Variants in IPCEF1 observed in about 807,000 individuals in gnomAD.
The protein encoded by IPCEF1 is interaction protein for cytohesin exchange factors 1, also known as interactor protein for cytohesin exchange factors 1.
IPCEF1 carries 31 observed loss-of-function variants against 50.9 expected under a neutral mutation model. The ratio of observed to expected loss-of-function variants is 0.61; its 90% CI spans 0.46 to 0.82. The LOEUF (loss-of-function observed/expected upper bound fraction) is 0.82, where lower values mean the gene tolerates loss of function less well. Ranked by LOEUF, IPCEF1 falls within the 40% of genes least tolerant of loss-of-function variation. The pLI, the probability that IPCEF1 is intolerant of heterozygous loss-of-function variation, is 0.00. For synonymous variants in IPCEF1, 181 were observed against 192.0 expected, an observed-to-expected ratio of 0.94 and a Z score of 0.47; for missense variants, 458 against 514.0, an observed-to-expected ratio of 0.89 and a Z score of 1.05.
rs1798847067 is a variant in IPCEF1 at position 154,159,515 on chromosome 6, G to T, written c.*313C>A. On this transcript the variant is annotated 3_prime_UTR_variant, in exon 12 of 12. Coordinates refer to ENST00000367220, the MANE Select transcript of IPCEF1 (RefSeq NM_001130700.2). ...TGATTCTTGTCCATAGCATTCTCTG[G>T]AGAGCAATGAACAGAAGAGACATTT... The T allele has an allele frequency of 6.0e-6, 2 of 332,440 alleles. No homozygotes were observed. Among genetic ancestry groups the T allele is most frequent in the South Asian group, 8.1e-5 (2 of 24,602 alleles). 20.6% of individuals were successfully genotyped at this position (332,440 alleles called of 1,614,324 possible). A position where few individuals can be genotyped will look rare whatever the true frequency, so the allele number is the denominator to read the frequency against.
At chr6:154,244,576 C>G (rs1183736332) in intron 5 of IPCEF1, among the ~76,000 whole-genome samples, 4 of 152,128 alleles carry the variant, frequency 2.6e-5, no homozygotes, top group Non-Finnish European at 4.4e-5. Flanking sequence ...CTATCCCTTT[C>G]CTCTTTCTAG....
chr6:154,344,088 C>T (rs1783976664), intron 1 of IPCEF1, among the ~76,000 whole-genome samples: 1 of 152,174 alleles, frequency 6.6e-6, no homozygotes. Flanking sequence ...CTCCTCTAGC[C>T]TCCTCATAAA....
intron 1 of IPCEF1, among the ~76,000 whole-genome samples, chr6:154,300,209 A>G (rs1314065484): frequency 7.0e-6 from 1 of 141,950 alleles, no homozygotes; most frequent in Admixed American, 7.3e-5. Context: ...TAGGTTAAAC[A>G]TAGAGTATTA....
rs984999900 is a variant in IPCEF1, at chr6:154,248,701, G to C, written c.37-1213C>G. ...TTCCTGGCTATTATAATTAGTAGCT[G>C]TGGTGCCCAAGAAAATAGCACTCTC... On this transcript the variant is annotated intron_variant, in intron 3 of 11. Coordinates refer to ENST00000367220, the MANE Select transcript of IPCEF1 (RefSeq NM_001130700.2). 9.9e-5 allele frequency among the ~76,000 whole-genome samples: 15 copies of C among 152,196 alleles called. No homozygotes were observed. In the East Asian group the frequency reaches 2.9e-3, roughly 29 times the overall value.
At chr6:154,212,939 G>A (rs1360523994) in intron 8 of IPCEF1, 84 bp from the exon 9 acceptor site, 1 of 919,160 alleles carries the variant, frequency 1.1e-6, no homozygotes, top group South Asian at 1.4e-5. Flanking sequence ...ATCTCCATCT[G>A]GCTATTGCAA....
At position 154,158,379 on chromosome 6, in the gene IPCEF1, A is replaced by T. The variant is rs553231511; in HGVS notation, c.*1449T>A. ...TTGTTTCTCTATAGCTCTCTTTAAC[A>T]CAATGATTTCTAAATTTCTATTAGT... On this transcript the variant is annotated 3_prime_UTR_variant, in exon 12 of 12. Transcript: ENST00000367220. The T allele has an allele frequency of 6.6e-6, 1 of 152,354 alleles. No homozygotes were observed. The highest frequency in any genetic ancestry group is 2.1e-4 in the South Asian group (1 of 4,830). 9.4% of individuals were successfully genotyped at this position (152,354 alleles called of 1,614,324 possible). A position where few individuals can be genotyped will look rare whatever the true frequency, so the allele number is the denominator to read the frequency against.
At chr6:154,206,775 T>C (rs1440649509) in intron 9 of IPCEF1, among the ~76,000 whole-genome samples, 1 of 152,150 alleles carries the variant, frequency 6.6e-6, no homozygotes, top group Non-Finnish European at 1.5e-5. Context: ...CAGGGGCAAG[T>C]GGTCCTGCAA....
At chr6:154,162,925 C>T (rs1799140109) in intron 11 of IPCEF1, among the ~76,000 whole-genome samples, 1 of 152,156 alleles carries the variant, frequency 6.6e-6, no homozygotes, top group Non-Finnish European at 1.5e-5. Flanking sequence ...CACCAACTTC[C>T]AATGCACACC....
chr6:154,300,299 G>A (rs1782758436), intron 1 of IPCEF1, among the ~76,000 whole-genome samples: 1 of 97,668 alleles, frequency 1.0e-5, no homozygotes, highest in South Asian at 2.8e-4. Context: ...GAGAGACATG[G>A]CTTCCTTTTT....
chr6:154,315,056 T>G (rs1214218693), intron 1 of IPCEF1, among the ~76,000 whole-genome samples: 1 of 152,196 alleles, frequency 6.6e-6, no homozygotes, highest in Non-Finnish European at 1.5e-5. Context: ...AACTTTTTTG[T>G]ATTTTTAGTA....
At chr6:154,210,982 CA>C (rs1173132364) in intron 9 of IPCEF1, among the ~76,000 whole-genome samples, 1 of 152,074 alleles carries the variant, frequency 6.6e-6, no homozygotes, top group African/African-American at 2.4e-5. Flanking sequence ...CAGGAACTTG[CA>C]AAACACAATA....
intron 9 of IPCEF1, among the ~76,000 whole-genome samples, chr6:154,202,896 G>A (rs1330306740): frequency 1.3e-5 from 2 of 152,206 alleles, no homozygotes; most frequent in Non-Finnish European, 2.9e-5. Flanking sequence ...AAGACTTGGA[G>A]AAGAGGAAAA....
At chr6:154,191,567 G>A (rs947768020) in intron 10 of IPCEF1, among the ~76,000 whole-genome samples, 1 of 151,734 alleles carries the variant, frequency 6.6e-6, no homozygotes, top group Non-Finnish European at 1.5e-5. Flanking sequence ...CTAGCTACTT[G>A]GGAGGCTGAG....
rs138918848 is a variant in IPCEF1, at chr6:154,212,753, C to T, written c.537+17G>A. ...TGTCTGATCGATGACCAACAGACTA[C>T]TTATGTCGGTACATACCAAAGACTG... On this transcript the variant is annotated intron_variant, in intron 9 of 11. Transcript: ENST00000367220. 8,901 of 1,551,574 alleles carry T rather than the reference C, an allele frequency of 5.7e-3. 36 individuals are homozygous for T. Among genetic ancestry groups the T allele is most frequent in the Non-Finnish European group, 6.9e-3 (7,786 of 1,123,016 alleles).
At chr6:154,266,735 A>C (rs1157746749) in intron 2 of IPCEF1, among the ~76,000 whole-genome samples, 1 of 152,038 alleles carries the variant, frequency 6.6e-6, no homozygotes, top group Non-Finnish European at 1.5e-5. Flanking sequence ...CCCAAACTTT[A>C]ATAGCAAGAT....
chr6:154,317,330 A>C (rs1388967049), intron 1 of IPCEF1, among the ~76,000 whole-genome samples: 1 of 151,970 alleles, frequency 6.6e-6, no homozygotes, highest in African/African-American at 2.4e-5. Flanking sequence ...TGGGTGGATC[A>C]CGAGGTCAGG....
chr6:154,348,764 C>G (rs1027106551), intron 1 of IPCEF1, among the ~76,000 whole-genome samples: 3 of 152,158 alleles, frequency 2.0e-5, no homozygotes, highest in Non-Finnish European at 4.4e-5. Context: ...GACTTGCACT[C>G]CCAGCGAATA....
intron 1 of IPCEF1, among the ~76,000 whole-genome samples, chr6:154,298,604 T>C (rs1269501654): frequency 6.6e-6 from 1 of 152,210 alleles, no homozygotes; most frequent in Non-Finnish European, 1.5e-5. Context: ...GCAATCTTCC[T>C]TTAAAGAGAG....
chr6:154,306,160 G>A (rs2882586), intron 1 of IPCEF1, among the ~76,000 whole-genome samples: 100,697 of 151,920 alleles, frequency 0.66, 33,894 homozygotes, highest in East Asian at 0.8. Flanking sequence ...TCTGGAAGTC[G>A]CCCCACGTCA....
Sources: allele counts gnomAD v4.1 joint callset (sites outside exome capture counted in the v4.1 genomes callset), GRCh38; gene constraint gnomAD v4.1.1; transcripts MANE v1.5; gene names NCBI Gene and HGNC (gene_info 2026-07-23, HGNC 2026-07-21).